The following DGKB variants were observed in gnomAD, a reference collection of about 807,000 sequenced individuals.
The protein encoded by DGKB is diacylglycerol kinase beta.
A neutral mutation model predicts 114.3 loss-of-function variants in DGKB; 67 were observed. The ratio of observed to expected loss-of-function variants is 0.59; its 90% CI spans 0.48 to 0.72. The LOEUF is 0.72. DGKB is among the 30% of genes least tolerant of loss of function. The pLI, the probability that DGKB is intolerant of heterozygous loss-of-function variation, is 0.00. For synonymous variants in DGKB, 398 were observed against 323.1 expected, an observed-to-expected ratio of 1.23 and a Z score of -2.49; for missense variants, 907 against 975.2, an observed-to-expected ratio of 0.93 and a Z score of 0.93.
chr7:14,221,392 G>T (rs948452173), intron 23 of DGKB, among the ~76,000 whole-genome samples: 1 of 151,146 alleles, frequency 6.6e-6, no homozygotes, highest in African/African-American at 2.4e-5. Context: ...AAATTGTTAA[G>T]TTTTGTTGAG....
intron 20 of DGKB, among the ~76,000 whole-genome samples, chr7:14,532,520 TA>T (rs1791762827): frequency 6.6e-6 from 1 of 151,248 alleles, no homozygotes; most frequent in Admixed American, 6.6e-5. Context: ...AAACTTTAAG[TA>T]AAAATAGTGT....
chr7:14,307,911 T>C (rs1414092646), intron 23 of DGKB, among the ~76,000 whole-genome samples: 1 of 152,148 alleles, frequency 6.6e-6, no homozygotes, highest in Admixed American at 6.5e-5. Flanking sequence ...CATGTGTCAA[T>C]GAATTTATCT....
At chr7:14,242,236 T>C (rs1379170046) in intron 23 of DGKB, among the ~76,000 whole-genome samples, 1 of 152,128 alleles carries the variant, frequency 6.6e-6, no homozygotes, top group Non-Finnish European at 1.5e-5. Flanking sequence ...GTAGACTGAG[T>C]TCTCTTTGAA....
chr7:14,849,844 G>A (rs12539188), intron 1 of DGKB, among the ~76,000 whole-genome samples: 50,884 of 151,982 alleles, frequency 0.33, 10,116 homozygotes, highest in Non-Finnish European at 0.44. Flanking sequence ...AGAGCCTCAA[G>A]ACAAGGATAA....
chr7:14,731,824 A>G (rs931195584), intron 5 of DGKB, among the ~76,000 whole-genome samples: 1 of 152,222 alleles, frequency 6.6e-6, no homozygotes, highest in Non-Finnish European at 1.5e-5. Context: ...GAGACGAGAG[A>G]TTAGAGACCT....
intron 20 of DGKB, among the ~76,000 whole-genome samples, chr7:14,498,081 G>A (rs567613217): frequency 2.0e-5 from 3 of 151,832 alleles, no homozygotes; most frequent in Non-Finnish European, 2.9e-5. Context: ...TATTGTATCT[G>A]AGAGTTTTAA....
intron 21 of DGKB, among the ~76,000 whole-genome samples, chr7:14,368,923 TTTG>T (rs1440829582): frequency 6.6e-6 from 1 of 151,998 alleles, no homozygotes; most frequent in Non-Finnish European, 1.5e-5. Context: ...GGTGCTGTGT[TTTG>T]TTGTTGTTTT....
At chr7:14,418,382 T>TAC (rs1375635291) in intron 21 of DGKB, among the ~76,000 whole-genome samples, 25 of 143,586 alleles carry the variant, frequency 1.7e-4, no homozygotes, top group Admixed American at 1.7e-3. Flanking sequence ...TATATATATA[T>TAC]ATATATATAT....
intron 1 of DGKB, among the ~76,000 whole-genome samples, chr7:14,942,284 A>G (rs1052446237): frequency 6.6e-6 from 1 of 151,966 alleles, no homozygotes; most frequent in Non-Finnish European, 1.5e-5. Context: ...AAAGAAAAAG[A>G]GGGGCGAGAA....
At chr7:14,875,196 T>A (rs1385068941) in intron 1 of DGKB, among the ~76,000 whole-genome samples, 1 of 152,088 alleles carries the variant, frequency 6.6e-6, no homozygotes, top group Non-Finnish European at 1.5e-5. Context: ...GTAAGATAAA[T>A]GATTATGAAG....
At chr7:14,258,805 A>G (rs996856039) in intron 23 of DGKB, among the ~76,000 whole-genome samples, 4 of 152,216 alleles carry the variant, frequency 2.6e-5, no homozygotes, top group Non-Finnish European at 5.9e-5. Flanking sequence ...AAGGAATAAA[A>G]AAGAATCCAT....
At chr7:14,532,184 G>A (rs1460850075) in intron 20 of DGKB, among the ~76,000 whole-genome samples, 3 of 149,918 alleles carry the variant, frequency 2.0e-5, no homozygotes, top group Non-Finnish European at 3.0e-5. Context: ...CAAAAGAATA[G>A]CTCAGAAAAA....
At chr7:14,652,169 C>A (rs1227246239) in intron 13 of DGKB, among the ~76,000 whole-genome samples, 2 of 143,470 alleles carry the variant, frequency 1.4e-5, no homozygotes, top group Non-Finnish European at 3.1e-5. Flanking sequence ...CATATGGAAC[C>A]AAAAAAGAGC....
chr7:14,748,842 A>C (rs2128427703), intron 4 of DGKB, among the ~76,000 whole-genome samples: 1 of 152,364 alleles, frequency 6.6e-6, no homozygotes, highest in Non-Finnish European at 1.5e-5. Flanking sequence ...CTAAAACACA[A>C]AAATGAATCA....
chr7:14,553,314 G>A (rs1795378338), intron 20 of DGKB, among the ~76,000 whole-genome samples: 1 of 152,144 alleles, frequency 6.6e-6, no homozygotes, highest in Admixed American at 6.5e-5. Context: ...CCATTCCTAA[G>A]AAAATGTAGA....
intron 23 of DGKB, among the ~76,000 whole-genome samples, chr7:14,260,470 C>T (rs1023581705): frequency 3.9e-5 from 6 of 152,122 alleles, no homozygotes; most frequent in Admixed American, 3.9e-4. Context: ...GCAGCACATG[C>T]CAATAAACTC....
intron 17 of DGKB, among the ~76,000 whole-genome samples, chr7:14,587,748 A>G (rs1801019989): frequency 6.6e-6 from 1 of 152,156 alleles, no homozygotes; most frequent in South Asian, 2.1e-4. Context: ...AAAAAACATT[A>G]TGACTCCCTG....
At chr7:14,923,694 T>C (rs2128248040) in intron 1 of DGKB, among the ~76,000 whole-genome samples, 1 of 152,242 alleles carries the variant, frequency 6.6e-6, no homozygotes, top group South Asian at 2.1e-4. Flanking sequence ...TAAACTCCTC[T>C]ATATAAAAGC....
At chr7:14,440,460 C>G (rs1160591475) in intron 21 of DGKB, among the ~76,000 whole-genome samples, 1 of 151,904 alleles carries the variant, frequency 6.6e-6, no homozygotes, top group Non-Finnish European at 1.5e-5. Flanking sequence ...TGATCATGAC[C>G]CTCATTCTTT....
Sources: gnomAD v4.1 joint callset for allele counts (sites outside exome capture counted in the v4.1 genomes callset) on GRCh38, gnomAD v4.1.1 for gene constraint, MANE v1.5 for transcripts, NCBI Gene and HGNC (gene_info 2026-07-23, HGNC 2026-07-21) for gene names.